SNTG2: variants seen among roughly 807,000 people sequenced by gnomAD.
SNTG2 encodes the protein syntrophin gamma 2.
In SNTG2, 74 loss-of-function variants were observed where a neutral mutation model predicts 70.9. The ratio of observed to expected loss-of-function variants is 1.04; its 90% CI spans 0.86 to 1.27. The LOEUF (loss-of-function observed/expected upper bound fraction) is 1.27, where lower values mean the gene tolerates loss of function less well. SNTG2 is among the 50% of genes most tolerant of loss of function. The pLI is 0.00. For missense variants in SNTG2, 717 were observed against 690.7 expected (o/e 1.04, Z -0.43); for synonymous variants, 278 against 273.8 (o/e 1.02, Z -0.15).
intron 1 of SNTG2, among the ~76,000 whole-genome samples, chr2:984,213 C>T (rs532888776): frequency 4.6e-5 from 7 of 151,690 alleles, no homozygotes; most frequent in African/African-American, 1.7e-4. Flanking sequence ...AAATAAGCCT[C>T]ACTTATTTCG....
chr2:1,166,042 C>T (rs781460229), intron 7 of SNTG2, among the ~76,000 whole-genome samples: 12 of 152,194 alleles, frequency 7.9e-5, no homozygotes, highest in Admixed American at 6.5e-5. Context: ...AAGTCCCTGA[C>T]ATATTTTGGC....
chr2:1,098,033 A>C (rs1464848816), intron 2 of SNTG2, among the ~76,000 whole-genome samples, 163 bp from the exon 3 acceptor site: 3 of 152,144 alleles, frequency 2.0e-5, no homozygotes, highest in Non-Finnish European at 4.4e-5. Flanking sequence ...AATACCACGG[A>C]GTAAAGATTT....
At chr2:956,650 G>T (rs982225037) in intron 1 of SNTG2, among the ~76,000 whole-genome samples, 1 of 152,368 alleles carries the variant, frequency 6.6e-6, no homozygotes, top group East Asian at 1.9e-4. Flanking sequence ...TGGCACCTGG[G>T]TCCCCTGCTG....
chr2:1,127,387 T>TA (rs1667764717), intron 4 of SNTG2, among the ~76,000 whole-genome samples: 1 of 152,208 alleles, frequency 6.6e-6, no homozygotes, highest in South Asian at 2.1e-4. Flanking sequence ...TTAGGAAGTG[T>TA]AATACCTCCA....
chr2:1,069,660 A>G (rs62105947), intron 1 of SNTG2, among the ~76,000 whole-genome samples: 26,904 of 151,926 alleles, frequency 0.18, 2,457 homozygotes, highest in South Asian at 0.22. Flanking sequence ...GCAGGATGAC[A>G]CGTGCCTGTA....
chr2:977,084 G>C (rs533972704), intron 1 of SNTG2, among the ~76,000 whole-genome samples: 1 of 152,214 alleles, frequency 6.6e-6, no homozygotes, highest in Non-Finnish European at 1.5e-5. Flanking sequence ...ACCATTCACT[G>C]TTAATGTAGG....
intron 14 of SNTG2, among the ~76,000 whole-genome samples, chr2:1,273,652 A>C (rs1025555792): frequency 1.3e-5 from 2 of 148,916 alleles, no homozygotes; most frequent in Non-Finnish European, 3.0e-5. Flanking sequence ...TATATATATA[A>C]GTATAAACTC....
chr2:1,360,964 C>T (rs757852457), intron 16 of SNTG2, among the ~76,000 whole-genome samples: 29 of 152,206 alleles, frequency 1.9e-4, no homozygotes, highest in Admixed American at 3.3e-4. Flanking sequence ...AGGCTCTGAC[C>T]TTATGGAATA....
chr2:1,237,958 G>T lies in SNTG2; in HGVS notation c.790G>T (p.Asp264Tyr), dbSNP rs776873608. ...GATCCTCCGGTTTTACACAGCCCAG[G>T]ATGGCACCGACTGGCTGCGGGCGGT... The part of the protein sequence containing the change: ...SGILRFYTAQ[D>Y]GTDWLRAVSA... The change falls in exon 10 of 17, where the codon GAT becomes TAT. Residue 264 changes from aspartate to tyrosine, a missense_variant. By Grantham distance (160) the Asp-to-Tyr change is radical. Transcript: ENST00000308624. 1 of 1,609,992 alleles carries T rather than the reference G, an allele frequency of 6.2e-7. No homozygotes were observed. Among genetic ancestry groups the T allele is most frequent in the Non-Finnish European group, 8.5e-7 (1 of 1,178,496 alleles).
intron 4 of SNTG2, among the ~76,000 whole-genome samples, chr2:1,120,117 G>A (rs931206802): frequency 6.6e-6 from 1 of 151,986 alleles, no homozygotes; most frequent in Admixed American, 6.6e-5. Context: ...AAGAAAATGA[G>A]AAAATGGTAT....
At chr2:1,153,512 G>A (rs548291633) in intron 6 of SNTG2, among the ~76,000 whole-genome samples, 33 of 152,336 alleles carry the variant, frequency 2.2e-4, no homozygotes, top group Admixed American at 2.0e-3. Context: ...TCAGTAAAAT[G>A]TCTAAAAAGT....
chr2:996,162 G>A (rs1024469181), intron 1 of SNTG2, among the ~76,000 whole-genome samples: 2 of 152,170 alleles, frequency 1.3e-5, no homozygotes, highest in South Asian at 4.1e-4. Flanking sequence ...TGTCATGGAG[G>A]AGTTTTGACT....
intron 1 of SNTG2, among the ~76,000 whole-genome samples, chr2:1,064,751 AAAG>A (rs796767242): frequency 7.2e-5 from 11 of 152,302 alleles, no homozygotes; most frequent in Admixed American, 1.3e-4. Context: ...AGAAGACAGA[AAAG>A]AAGAACAAAG....
intron 1 of SNTG2, among the ~76,000 whole-genome samples, chr2:1,044,644 G>T (rs750671745): frequency 6.6e-6 from 1 of 152,120 alleles, no homozygotes; most frequent in African/African-American, 2.4e-5. Flanking sequence ...TTATTGAGAT[G>T]ATAATATGTT....
intron 1 of SNTG2, among the ~76,000 whole-genome samples, chr2:961,522 T>C (rs1029929652): frequency 2.6e-5 from 4 of 152,244 alleles, no homozygotes; most frequent in African/African-American, 9.6e-5. Context: ...TTAATTTTCT[T>C]ACTCAGAATG....
intron 7 of SNTG2, among the ~76,000 whole-genome samples, chr2:1,172,500 C>T (rs576037895): frequency 3.1e-4 from 47 of 152,264 alleles, no homozygotes; most frequent in East Asian, 2.5e-3. Context: ...ACCTTGGAAA[C>T]GGCATGAAAG....
chr2:981,999 C>T (rs10445969), intron 1 of SNTG2, among the ~76,000 whole-genome samples: 53 of 152,292 alleles, frequency 3.5e-4, no homozygotes, highest in Admixed American at 2.2e-3. Context: ...TGTGCACACA[C>T]GTGTCCACAC....
intron 1 of SNTG2, among the ~76,000 whole-genome samples, chr2:984,276 T>A (rs1333493572): frequency 6.9e-6 from 1 of 143,922 alleles, no homozygotes; most frequent in African/African-American, 2.6e-5. Flanking sequence ...TTTTTTTTTT[T>A]AATAGCACAC....
intron 4 of SNTG2, among the ~76,000 whole-genome samples, chr2:1,119,893 A>C (rs1667275191): frequency 6.6e-6 from 1 of 152,136 alleles, no homozygotes; most frequent in Admixed American, 6.5e-5. Context: ...ATCAATAATC[A>C]CTTTGAATAT....
Sources: allele counts gnomAD v4.1 joint callset (sites outside exome capture counted in the v4.1 genomes callset), GRCh38; gene constraint gnomAD v4.1.1; transcripts MANE v1.5; gene names NCBI Gene and HGNC (gene_info 2026-07-23, HGNC 2026-07-21).